The following PACRGL variants were observed in gnomAD, a reference collection of about 807,000 sequenced individuals.
PACRGL encodes the protein PACRG-like protein.
Under a neutral mutation model 34.5 loss-of-function variants are expected in PACRGL, and 38 were observed. The ratio of observed to expected loss-of-function variants is 1.10; its 90% confidence interval spans 0.85 to 1.44. The LOEUF is 1.44. PACRGL is among the 40% of genes most tolerant of loss of function. PACRGL has a pLI of 0.00. For synonymous variants in PACRGL, 128 were observed against 100.1 expected, an observed-to-expected ratio of 1.28 and a Z score of -1.66; for missense variants, 305 against 281.4, an observed-to-expected ratio of 1.08 and a Z score of -0.60.
rs563012247 is a variant in PACRGL at position 20,745,870 on chromosome 4, T to TA, written c.*57-6694dup. Among the ~76,000 whole-genome samples the TA allele has an allele frequency of 1.1e-3, 175 of 152,286 alleles. 1 individual carries two copies. Among genetic ancestry groups the TA allele is most frequent in the African/African-American group, 3.9e-3 (164 of 41,556 alleles). On this transcript the variant is annotated intron_variant, in intron 8 of 8. Transcript: ENST00000507634. ...ATGATGCATTTGCATGTAGTTGCCT[T>TA]ACTGGGTAATGAGATGACCAATGTC...
At chr4:20,758,614 A>G in the PACRGL span, among the ~76,000 whole-genome samples, 7 of 152,316 alleles carry the variant, frequency 4.6e-5, no homozygotes, top group South Asian at 8.3e-4. Flanking sequence ...GTTGTATTAA[A>G]CTAAAGAGCA....
chr4:20,713,331 CT>C (rs1738204505), intron 6 of PACRGL, 100 bp from the exon 7 acceptor site: 1 of 805,722 alleles, frequency 1.2e-6, no homozygotes, highest in Admixed American at 2.5e-5. Flanking sequence ...TAATCTTATC[CT>C]TTTCTCTACT....
the PACRGL span, among the ~76,000 whole-genome samples, chr4:20,764,176 T>C: frequency 6.6e-6 from 1 of 152,178 alleles, no homozygotes; most frequent in South Asian, 2.1e-4. Context: ...TCCATGAAAA[T>C]ATGCCCTCTA....
rs200487011 is a variant in PACRGL, at chr4:20,751,547, AAG to A, written c.*57-1014_*57-1013del. 3.9e-3 allele frequency among the ~76,000 whole-genome samples: 594 copies of A among 152,234 alleles called. 5 individuals carry two copies. The highest frequency in any genetic ancestry group is 0.014 in the African/African-American group (572 of 41,552). On this transcript the variant is annotated intron_variant, in intron 8 of 8. Transcript: ENST00000507634. The stretch of plus-strand genomic sequence containing the variant: ...CTGATTTTCAGAGGAGGAAAAAAAA[AAG>A]AGATTTTGCATATTTTATAATGAGC...
chr4:20,721,318 G>A (rs1168410392), intron 7 of PACRGL, among the ~76,000 whole-genome samples: 1 of 152,042 alleles, frequency 6.6e-6, no homozygotes, highest in East Asian at 1.9e-4. Context: ...GCCTTCTTTT[G>A]TCACCTCGTC....
In PACRGL at chr4:20,731,070, G is replaced by C. The variant is rs907280115; in HGVS notation, c.*3729G>C. On this transcript the variant is annotated 3_prime_UTR_variant, in exon 9 of 9. Transcript: ENST00000503585. ...GATTTCTTTGTTTTCAGGATTATTT[G>C]AAAAATTCTTTTTTTCTTTTTTTAG... 6.6e-6 allele frequency among the ~76,000 whole-genome samples: 1 copy of C among 152,090 alleles called. No homozygotes were observed. Among genetic ancestry groups the C allele is most frequent in the African/African-American group, 2.4e-5 (1 of 41,416 alleles).
chr4:20,703,199 G>C (rs1732977449), intron 1 of PACRGL, among the ~76,000 whole-genome samples: 1 of 152,176 alleles, frequency 6.6e-6, no homozygotes, highest in Admixed American at 6.5e-5. Flanking sequence ...GTGTCATTTG[G>C]AGGTGGAAGA....
At position 20,724,906 on chromosome 4, in the gene PACRGL, C is replaced by T; in HGVS notation, c.690+18C>T. The T allele has an allele frequency of 1.5e-6, 2 of 1,357,808 alleles. No individual in the cohort carries two copies. The highest frequency in any genetic ancestry group is 3.4e-5 in the Admixed American group (1 of 29,644). 84.1% of individuals were successfully genotyped at this position (1,357,808 alleles called of 1,614,324 possible). A position where few individuals can be genotyped will look rare whatever the true frequency, so the allele number is the denominator to read the frequency against. On this transcript the variant is annotated intron_variant, in intron 8 of 8. Coordinates refer to ENST00000503585, the MANE Select transcript of PACRGL (RefSeq NM_001258345.3). Reference sequence around the variant, plus strand: ...GTGGAAGTGTAAGTAGAATATTATTCCTTAAGTCTTTTTTTTTAACTTTTA... The same window carrying T: ...GTGGAAGTGTAAGTAGAATATTATTTCTTAAGTCTTTTTTTTTAACTTTTA...
downstream of PACRGL, among the ~76,000 whole-genome samples, chr4:20,735,394 A>T (rs7686310): frequency 6.6e-6 from 1 of 152,214 alleles, no homozygotes; most frequent in Non-Finnish European, 1.5e-5. Context: ...GAGGCTGCTT[A>T]TAACAGTCCT....
intron 8 of PACRGL, among the ~76,000 whole-genome samples, chr4:20,740,132 G>T (rs909126055): frequency 6.6e-6 from 1 of 152,128 alleles, no homozygotes; most frequent in Non-Finnish European, 1.5e-5. Context: ...AAGTGACGGG[G>T]AGAATTGAAC....
chr4:20,707,158 TATCA>T (rs1200609377), intron 3 of PACRGL, among the ~76,000 whole-genome samples: 5 of 152,226 alleles, frequency 3.3e-5, no homozygotes, highest in African/African-American at 9.6e-5. Flanking sequence ...GTAAGTCTCT[TATCA>T]ATTATATTGA....
chr4:20,732,023 T>C lies in PACRGL; in HGVS notation c.*4682T>C, dbSNP rs1284945469. ...TTACTTACTTTTTGGCAGCTTTCAATGAACTCATCTATGGTAACAACCCCA... is the reference window on the plus strand; with the variant it reads ...TTACTTACTTTTTGGCAGCTTTCAACGAACTCATCTATGGTAACAACCCCA... On this transcript the variant is annotated 3_prime_UTR_variant, in exon 9 of 9. Transcript: ENST00000503585. 1.9e-6 allele frequency: 3 copies of C among 1,613,490 alleles called. No individual in the cohort carries two copies. Among genetic ancestry groups the C allele is most frequent in the Admixed American group, 1.7e-5 (1 of 59,942 alleles).
chr4:20,712,711 C>G (rs917695738), intron 5 of PACRGL, 77 bp from the exon 6 acceptor site: 1 of 1,253,790 alleles, frequency 8.0e-7, no homozygotes, highest in Admixed American at 3.0e-5. Context: ...TTTGTTTAAG[C>G]AAGTAAAGAC....
At chr4:20,696,961 A>G (rs1400189500), upstream of PACRGL, among the ~76,000 whole-genome samples, 1 of 152,254 alleles carries the variant, frequency 6.6e-6, no homozygotes, top group Non-Finnish European at 1.5e-5. Context: ...AAAATATACC[A>G]CTAAAATTAC....
chr4:20,710,419 T>C (rs1736630172), intron 5 of PACRGL, among the ~76,000 whole-genome samples: 1 of 152,252 alleles, frequency 6.6e-6, no homozygotes, highest in South Asian at 2.1e-4. Flanking sequence ...GAGAAATGAA[T>C]TAACCAGTTG....
At chr4:20,701,738 G>A in intron 1 of PACRGL, 2 of 397,684 alleles carry the variant, frequency 5.0e-6, no homozygotes, top group Non-Finnish European at 1.0e-5. Flanking sequence ...TTGGCTCCAG[G>A]ACTCCCTCCC....
At chr4:20,764,953 C>G in the PACRGL span, among the ~76,000 whole-genome samples, 4 of 152,168 alleles carry the variant, frequency 2.6e-5, no homozygotes, top group African/African-American at 9.7e-5. Flanking sequence ...ACTTTTAACA[C>G]TTTCATCAAC....
At chr4:20,764,281 A>C in the PACRGL span, among the ~76,000 whole-genome samples, 1 of 152,194 alleles carries the variant, frequency 6.6e-6, no homozygotes, top group Non-Finnish European at 1.5e-5. Context: ...GTAGAAATAA[A>C]GTTTTAATAA....
rs990733416 is a variant in PACRGL, at chr4:20,706,195, A to G, written c.207+1381A>G. ...ATAAAAAATTCTGATTTTGTGGAAC[A>G]TGGAAGATGAAACCATGATTATCTC... On this transcript the variant is annotated intron_variant, in intron 3 of 8. Coordinates refer to ENST00000503585, the MANE Select transcript of PACRGL (RefSeq NM_001258345.3). Among the ~76,000 whole-genome samples the G allele has an allele frequency of 3.9e-5, 6 of 152,096 alleles. No individual in the cohort carries two copies. The East Asian group carries it at 9.6e-4, about 24-fold the overall frequency.
Sources: gnomAD v4.1 joint callset for allele counts (sites outside exome capture counted in the v4.1 genomes callset) on GRCh38, gnomAD v4.1.1 for gene constraint, MANE v1.5 for transcripts, NCBI Gene and HGNC (gene_info 2026-07-23, HGNC 2026-07-21) for gene names.